The following ADGRV1 variants were observed in gnomAD, a reference collection of about 807,000 sequenced individuals.
The protein encoded by ADGRV1 is G-protein coupled receptor 98.
In ADGRV1, 359 loss-of-function variants were observed where a neutral mutation model predicts 596.2. The ratio of observed to expected loss-of-function variants is 0.60; its 90% CI spans 0.55 to 0.66. ADGRV1 has a LOEUF of 0.66. Among genes scored for constraint, ADGRV1 ranks in the 30% least tolerant of loss-of-function variants. ADGRV1 has a pLI of 0.00. For missense variants in ADGRV1, 7,274 were observed against 7,575.6 expected (o/e 0.96, Z 1.48); for synonymous variants, 2,681 against 2,679.2 (o/e 1.00, Z -0.02).
At chr5:91,081,600 A>G (rs1253525478) in intron 86 of ADGRV1, among the ~76,000 whole-genome samples, 1 of 152,088 alleles carries the variant, frequency 6.6e-6, no homozygotes, top group Non-Finnish European at 1.5e-5. Context: ...CCTGGCCAAC[A>G]TAGTGTGAAA....
At chr5:90,665,385 TC>T (rs1326536017) in intron 21 of ADGRV1, among the ~76,000 whole-genome samples, 6 of 151,620 alleles carry the variant, frequency 4.0e-5, no homozygotes, top group Non-Finnish European at 8.9e-5. Context: ...TTCTAGATTT[TC>T]TAGTTTATTT....
At chr5:91,158,717 A>C (rs905510702) in intron 89 of ADGRV1, among the ~76,000 whole-genome samples, 1 of 152,224 alleles carries the variant, frequency 6.6e-6, no homozygotes, top group African/African-American at 2.4e-5. Flanking sequence ...GAACATGTAG[A>C]AATAAGAATC....
chr5:90,783,531 G>A (rs1044867114), intron 66 of ADGRV1, among the ~76,000 whole-genome samples: 2 of 152,118 alleles, frequency 1.3e-5, no homozygotes, highest in Admixed American at 6.5e-5. Context: ...TCAAATAAAG[G>A]AAATAATATT....
At chr5:90,884,410 T>C (rs893465414) in intron 83 of ADGRV1, among the ~76,000 whole-genome samples, 1 of 152,188 alleles carries the variant, frequency 6.6e-6, no homozygotes. Context: ...ACAGAACCGT[T>C]ACCTCCTTTG....
intron 1 of ADGRV1, among the ~76,000 whole-genome samples, chr5:90,579,078 T>C (rs1228548394): frequency 6.6e-6 from 1 of 152,220 alleles, no homozygotes; most frequent in African/African-American, 2.4e-5. Context: ...TTGATTTTTT[T>C]GAAGGGTGTT....
chr5:90,809,103 C>T (rs1762187392), intron 73 of ADGRV1, among the ~76,000 whole-genome samples: 1 of 151,778 alleles, frequency 6.6e-6, no homozygotes, highest in African/African-American at 2.4e-5. Context: ...ACGACAGGCA[C>T]CTGCCACCGT....
chr5:91,110,752 A>G (rs1447060811), intron 87 of ADGRV1, among the ~76,000 whole-genome samples: 1 of 152,198 alleles, frequency 6.6e-6, no homozygotes, highest in Admixed American at 6.6e-5. Flanking sequence ...GCTTTCCAAA[A>G]TCTGAAACGC....
intron 83 of ADGRV1, among the ~76,000 whole-genome samples, chr5:90,873,441 T>G (rs1035890926): frequency 5.3e-5 from 8 of 152,290 alleles, no homozygotes; most frequent in African/African-American, 1.9e-4. Context: ...GCAAGTGATT[T>G]TATGGGGTTT....
Position 90,685,782 on chromosome 5 carries a change from C to A in ADGRV1, c.6277C>A (p.Pro2093Thr), listed in dbSNP as rs1745544798. 6.2e-7 allele frequency: 1 copy of A among 1,600,970 alleles called. No homozygotes were observed. The highest frequency in any genetic ancestry group is 1.7e-5 in the Admixed American group (1 of 59,548). The change falls in exon 29 of 90, where the codon CCA becomes ACA. Residue 2093 changes from proline (P) to threonine (T), a missense_variant and splice_region_variant. Around this residue, in one of 5 missense-constraint regions of ADGRV1, gnomAD observed 3,643 missense variants for 3,809.2 expected, o/e 0.96. Transcript: ENST00000405460. ...TGTGTGGATCTTCTGTCTTTCAGTT[C>A]CAAATTCTCCACGTCTTGGGCCTAA... ...LVAKVQSRSIPNSPRLGPKVE... is the reference protein window; with the variant it reads ...LVAKVQSRSITNSPRLGPKVE...
intron 73 of ADGRV1, among the ~76,000 whole-genome samples, chr5:90,809,001 T>C (rs1410309896): frequency 6.7e-6 from 1 of 149,840 alleles, no homozygotes; most frequent in Admixed American, 6.7e-5. Flanking sequence ...GGCCGGACTG[T>C]AGTGGTGCTA....
intron 57 of ADGRV1, 124 bp from the exon 58 acceptor site, chr5:90,759,285 G>GT: frequency 1.5e-6 from 1 of 677,976 alleles, no homozygotes; most frequent in South Asian, 2.2e-5. Context: ...GAGATTTTTG[G>GT]TTTCAACTAA....
intron 52 of ADGRV1, among the ~76,000 whole-genome samples, chr5:90,746,371 G>A (rs1232832216): frequency 6.6e-6 from 1 of 152,124 alleles, no homozygotes; most frequent in African/African-American, 2.4e-5. Flanking sequence ...TTCTTTATCA[G>A]CAAGCAAAAG....
chr5:91,021,036 T>C (rs1783591670), intron 85 of ADGRV1, among the ~76,000 whole-genome samples: 1 of 152,112 alleles, frequency 6.6e-6, no homozygotes, highest in African/African-American at 2.4e-5. Context: ...TTAAGGCCTT[T>C]TTATATGTTT....
chr5:90,723,765 T>C (rs898709133), intron 45 of ADGRV1, among the ~76,000 whole-genome samples: 2 of 152,216 alleles, frequency 1.3e-5, no homozygotes, highest in African/African-American at 4.8e-5. Flanking sequence ...GGAGCCCAGG[T>C]TTCAACCTTG....
intron 87 of ADGRV1, among the ~76,000 whole-genome samples, chr5:91,109,961 G>T (rs1792222645): frequency 6.6e-6 from 1 of 152,184 alleles, no homozygotes; most frequent in Admixed American, 6.5e-5. Flanking sequence ...GCCAATGACA[G>T]CTTCTGTCAC....
At chr5:91,055,975 G>T (rs1786809307) in intron 85 of ADGRV1, among the ~76,000 whole-genome samples, 1 of 152,136 alleles carries the variant, frequency 6.6e-6, no homozygotes, top group African/African-American at 2.4e-5. Context: ...TTGATGAACT[G>T]TTGGAAAGCA....
chr5:91,054,078 T>TGA (rs2151319285), intron 85 of ADGRV1, among the ~76,000 whole-genome samples: 1 of 118,704 alleles, frequency 8.4e-6, no homozygotes, highest in African/African-American at 3.5e-5. Flanking sequence ...TGTTTGTGTG[T>TGA]GTGTGTGTGT....
At chr5:91,084,283 A>C (rs886130717) in intron 86 of ADGRV1, among the ~76,000 whole-genome samples, 1 of 152,112 alleles carries the variant, frequency 6.6e-6, no homozygotes, top group African/African-American at 2.4e-5. Context: ...AAATTTTGCC[A>C]ATCACCCAAC....
chr5:90,655,501 C>T (rs548897603), intron 20 of ADGRV1: 4 of 152,084 alleles, frequency 2.6e-5, no homozygotes, highest in East Asian at 1.9e-4. Flanking sequence ...TCTATGGATA[C>T]TCTTATACAT....
Sources: gnomAD v4.1 joint callset for allele counts (sites outside exome capture counted in the v4.1 genomes callset) on GRCh38, gnomAD v4.1.1 for gene constraint, gnomAD v4.1.1 regional missense constraint, MANE v1.5 for transcripts, NCBI Gene and HGNC (gene_info 2026-07-23, HGNC 2026-07-21) for gene names.